Variants in MED12L observed in about 807,000 individuals in gnomAD.
MED12L encodes the protein mediator of RNA polymerase II transcription subunit 12-like protein.
A neutral mutation model predicts 281.3 loss-of-function variants in MED12L; 60 were observed. The ratio of observed to expected loss-of-function variants is 0.21; its 90% confidence interval spans 0.17 to 0.26. The LOEUF (loss-of-function observed/expected upper bound fraction) is 0.26. MED12L is among the 10% of genes least tolerant of loss of function. The pLI, the probability that MED12L is intolerant of heterozygous loss-of-function variation, is 1.00. For missense variants in MED12L, 2,146 were observed against 2,680.9 expected (o/e 0.80, Z 4.41); for synonymous variants, 974 against 987.2 (o/e 0.99, Z 0.25).
At chr3:151,429,319 T>C (rs1719200884) in intron 43 of MED12L, among the ~76,000 whole-genome samples, 1 of 152,110 alleles carries the variant, frequency 6.6e-6, no homozygotes, top group Non-Finnish European at 1.5e-5. Flanking sequence ...GGAGCCAGCC[T>C]TGTTGATGCC....
chr3:151,255,828 G>A (rs559072393), intron 16 of MED12L, among the ~76,000 whole-genome samples: 7 of 152,180 alleles, frequency 4.6e-5, no homozygotes, highest in Admixed American at 6.5e-5. Flanking sequence ...GCACTGCCTT[G>A]TATAAACCAG....
At position 151,360,365 on chromosome 3, in the gene MED12L, A is replaced by G. The variant is rs962994235; in HGVS notation, c.2826-109A>G. 26 of 968,350 alleles carry G rather than the reference A, an allele frequency of 2.7e-5. No individual in the cohort carries two copies. The East Asian group carries it at 3.7e-4, about 14-fold the overall frequency. 60.0% of individuals were successfully genotyped at this position (968,350 alleles called of 1,614,324 possible). ...TCTATTTATTAGTTTCAACAATCCAATATCCTTTTTCTTACCCAAGTGATA... is the reference window on the plus strand; with the variant it reads ...TCTATTTATTAGTTTCAACAATCCAGTATCCTTTTTCTTACCCAAGTGATA... On this transcript the variant is annotated intron_variant, in intron 20 of 44. Transcript: ENST00000687756.
At chr3:151,288,099 A>G (rs1743778775) in intron 16 of MED12L, among the ~76,000 whole-genome samples, 1 of 152,226 alleles carries the variant, frequency 6.6e-6, no homozygotes, top group Admixed American at 6.5e-5. Context: ...CAGGAATCCA[A>G]TCAGGGTTCT....
chr3:151,244,996 C>T (rs544380279), intron 16 of MED12L, among the ~76,000 whole-genome samples: 23 of 132,228 alleles, frequency 1.7e-4, no homozygotes, highest in East Asian at 5.0e-4. Context: ...AACACCTCTA[C>T]GCAAATAAAC....
chr3:151,219,035 C>A (rs891339652), intron 16 of MED12L, among the ~76,000 whole-genome samples: 1 of 152,084 alleles, frequency 6.6e-6, no homozygotes, highest in African/African-American at 2.4e-5. Context: ...ACTTTGGAGA[C>A]TTTGGTAACA....
chr3:151,337,452 T>C (rs1489612991), intron 16 of MED12L: 1 of 215,918 alleles, frequency 4.6e-6, no homozygotes, highest in Non-Finnish European at 9.4e-6. Context: ...TCTTCCTTAG[T>C]TGATTATGAA....
intron 2 of MED12L, among the ~76,000 whole-genome samples, chr3:151,115,695 T>A (rs1413870785): frequency 1.3e-5 from 2 of 151,992 alleles, no homozygotes; most frequent in Non-Finnish European, 2.9e-5. Flanking sequence ...TCGGTGAGAT[T>A]TTTGCTCATT....
chr3:151,259,213 C>T (rs1195877456), intron 16 of MED12L, among the ~76,000 whole-genome samples: 2 of 152,232 alleles, frequency 1.3e-5, no homozygotes, highest in Non-Finnish European at 2.9e-5. Context: ...GGCCACACAA[C>T]TCTCTGAGAA....
chr3:151,276,944 T>C (rs963318441), intron 16 of MED12L, among the ~76,000 whole-genome samples: 1 of 152,212 alleles, frequency 6.6e-6, no homozygotes, highest in African/African-American at 2.4e-5. Context: ...TCGCCCAGAC[T>C]GGAGTGCAGT....
chr3:151,317,746 G>A (rs990023843), intron 16 of MED12L, among the ~76,000 whole-genome samples: 13 of 151,788 alleles, frequency 8.6e-5, no homozygotes, highest in Middle Eastern at 6.8e-3. Flanking sequence ...CACTGCGCCC[G>A]GCCACTTTTT....
chr3:151,229,361 G>T (rs1448955172), intron 16 of MED12L, among the ~76,000 whole-genome samples: 1 of 148,514 alleles, frequency 6.7e-6, no homozygotes, highest in Non-Finnish European at 1.5e-5. Flanking sequence ...AGGCTGGAGG[G>T]CAGTTTCGTG....
chr3:151,194,832 G>A (rs954498691), intron 16 of MED12L, among the ~76,000 whole-genome samples: 2 of 151,944 alleles, frequency 1.3e-5, no homozygotes, highest in African/African-American at 4.8e-5. Context: ...ACAATTTCAG[G>A]GAGTCATTTT....
In MED12L at chr3:151,411,409, C is replaced by T. The variant is rs772501002; in HGVS notation, c.6042C>T (p.Pro2014=). ...SRAYPAAHSN[P]VLMERLRQIQ... ...CCTATCCGGCCGCACATTCCAACCCCGTGCTAATGGAAAGACTCAGACAGA... is the reference window on the plus strand; with the variant it reads ...CCTATCCGGCCGCACATTCCAACCCTGTGCTAATGGAAAGACTCAGACAGA... The change falls in exon 41 of 45, where the codon CCC becomes CCT. Residue 2014 remains proline (P), a synonymous_variant. Transcript: ENST00000687756. 3.1e-6 allele frequency: 5 copies of T among 1,614,042 alleles called. No homozygotes were observed. Among genetic ancestry groups the T allele is most frequent in the South Asian group, 1.1e-5 (1 of 91,080 alleles).
intron 3 of MED12L, among the ~76,000 whole-genome samples, chr3:151,121,152 A>G (rs1713694482): frequency 6.6e-6 from 1 of 152,220 alleles, no homozygotes; most frequent in African/African-American, 2.4e-5. Context: ...CCAAATATCA[A>G]TTGAGAAATT....
chr3:151,243,433 C>T (rs916115686), intron 16 of MED12L, among the ~76,000 whole-genome samples: 3 of 151,966 alleles, frequency 2.0e-5, no homozygotes, highest in Non-Finnish European at 4.4e-5. Flanking sequence ...AGAAACCCTA[C>T]AAGCCAGAAG....
intron 3 of MED12L, 144 bp downstream of exon 3, chr3:151,116,586 C>T: frequency 1.7e-6 from 1 of 591,186 alleles, no homozygotes; most frequent in Non-Finnish European, 3.0e-6. Flanking sequence ...CCGTCCTGCC[C>T]CAGGATCCAA....
chr3:151,412,695 G>A (rs1311772918), intron 41 of MED12L, among the ~76,000 whole-genome samples: 6 of 152,170 alleles, frequency 3.9e-5, no homozygotes, highest in Non-Finnish European at 7.3e-5. Context: ...AAAGTTCTGG[G>A]TTCAAATCCC....
At chr3:151,349,339 G>C (rs1752945988) in intron 16 of MED12L, among the ~76,000 whole-genome samples, 1 of 152,176 alleles carries the variant, frequency 6.6e-6, no homozygotes, top group Non-Finnish European at 1.5e-5. Context: ...GTCAGAACAT[G>C]TTTGCATTTT....
intron 43 of MED12L, 27 bp downstream of exon 43, chr3:151,416,449 C>T (rs1717565968): frequency 1.2e-6 from 2 of 1,607,398 alleles, no homozygotes; most frequent in Non-Finnish European, 1.7e-6. Flanking sequence ...TGGAATCAGA[C>T]ATGTGGGTTT....
Sources: allele counts gnomAD v4.1 joint callset (sites outside exome capture counted in the v4.1 genomes callset), GRCh38; gene constraint gnomAD v4.1.1; transcripts MANE v1.5; gene names NCBI Gene and HGNC (gene_info 2026-07-23, HGNC 2026-07-21).